INPP4B: variants seen among roughly 807,000 people sequenced by gnomAD.
INPP4B encodes inositol polyphosphate 4-phosphatase type II.
A neutral mutation model predicts 122.5 loss-of-function variants in INPP4B; 55 were observed. The ratio of observed to expected loss-of-function variants is 0.45; its 90% confidence interval spans 0.36 to 0.56. The LOEUF (loss-of-function observed/expected upper bound fraction) is 0.56, where lower values mean the gene tolerates loss of function less well. INPP4B is among the 20% of genes least tolerant of loss of function. The pLI, the probability that INPP4B is intolerant of heterozygous loss-of-function variation, is 0.00. For synonymous variants in INPP4B, 403 were observed against 388.7 expected, an observed-to-expected ratio of 1.04 and a Z score of -0.43; for missense variants, 1,000 against 1,097.7, an observed-to-expected ratio of 0.91 and a Z score of 1.26.
At chr4:142,516,083 C>A (rs79082619) in intron 2 of INPP4B, among the ~76,000 whole-genome samples, 4,711 of 152,178 alleles carry the variant, frequency 0.031, 276 homozygotes, top group African/African-American at 0.11. Context: ...AGTCAGTCAA[C>A]TTTTCCAGAA....
intron 2 of INPP4B, among the ~76,000 whole-genome samples, chr4:142,544,888 C>A (rs1297324281): frequency 6.6e-6 from 1 of 152,072 alleles, no homozygotes; most frequent in Non-Finnish European, 1.5e-5. Flanking sequence ...GAGTAATAAA[C>A]CTGTTGAAGT....
At chr4:142,254,082 C>T (rs959862020) in intron 11 of INPP4B, among the ~76,000 whole-genome samples, 1 of 152,128 alleles carries the variant, frequency 6.6e-6, no homozygotes, top group Non-Finnish European at 1.5e-5. Flanking sequence ...GAGGCACCCC[C>T]CAGCAGGGGC....
chr4:142,755,294 G>C (rs746566754), intron 1 of INPP4B, among the ~76,000 whole-genome samples: 1 of 151,780 alleles, frequency 6.6e-6, no homozygotes, highest in Non-Finnish European at 1.5e-5. Flanking sequence ...TCTGTTTCTG[G>C]ACCCTAGATT....
chr4:142,115,681 C>A (rs941147951), intron 21 of INPP4B, among the ~76,000 whole-genome samples: 4 of 152,154 alleles, frequency 2.6e-5, no homozygotes, highest in African/African-American at 7.2e-5. Context: ...TGGAAAGGAA[C>A]AACTGGTAGC....
intron 7 of INPP4B, among the ~76,000 whole-genome samples, chr4:142,394,137 GGTT>G (rs1395301579): frequency 6.6e-6 from 1 of 151,614 alleles, no homozygotes; most frequent in Non-Finnish European, 1.5e-5. Context: ...TGTTTTGTGT[GGTT>G]TTTTTTGTTT....
intron 7 of INPP4B, among the ~76,000 whole-genome samples, chr4:142,397,944 A>AAT (rs1420818264): frequency 6.6e-6 from 1 of 152,222 alleles, no homozygotes; most frequent in Non-Finnish European, 1.5e-5. Flanking sequence ...TCCTATGGAC[A>AAT]ATATATGTAC....
At chr4:142,664,053 G>A (rs2150597490) in intron 2 of INPP4B, among the ~76,000 whole-genome samples, 1 of 152,312 alleles carries the variant, frequency 6.6e-6, no homozygotes, top group Non-Finnish European at 1.5e-5. Context: ...TCTGAGGAAT[G>A]CCATGCACTT....
intron 1 of INPP4B, among the ~76,000 whole-genome samples, chr4:142,833,597 T>C (rs1402366845): frequency 1.3e-5 from 2 of 151,858 alleles, no homozygotes; most frequent in Non-Finnish European, 1.5e-5. Flanking sequence ...TTATACAATA[T>C]ATGGAGAAAA....
intron 1 of INPP4B, among the ~76,000 whole-genome samples, chr4:142,727,871 C>T (rs1455698479): frequency 6.6e-6 from 1 of 152,166 alleles, no homozygotes; most frequent in Non-Finnish European, 1.5e-5. Context: ...GAATGAGTCC[C>T]TGTCCCCCAA....
chr4:142,619,909 A>G (rs755076099), intron 2 of INPP4B, among the ~76,000 whole-genome samples: 8 of 152,016 alleles, frequency 5.3e-5, no homozygotes, highest in Non-Finnish European at 1.2e-4. Flanking sequence ...TTGAGCTCAC[A>G]TGATTTAACA....
chr4:142,804,253 A>G (rs1487197692), intron 1 of INPP4B, among the ~76,000 whole-genome samples: 1 of 152,108 alleles, frequency 6.6e-6, no homozygotes, highest in African/African-American at 2.4e-5. Context: ...TAAACCTGCC[A>G]AAGACTTCCC....
At chr4:142,475,868 C>A (rs1819707351) in intron 2 of INPP4B, among the ~76,000 whole-genome samples, 1 of 152,168 alleles carries the variant, frequency 6.6e-6, no homozygotes, top group African/African-American at 2.4e-5. Context: ...ATATCTATGA[C>A]TCATTGGCAT....
At chr4:142,842,750 TA>T (rs1342975152) in intron 1 of INPP4B, among the ~76,000 whole-genome samples, 1 of 131,502 alleles carries the variant, frequency 7.6e-6, no homozygotes, top group Non-Finnish European at 1.6e-5. Context: ...TAATATATAA[TA>T]TATCTATAAT....
chr4:142,636,359 AAAT>A (rs1450117598), intron 2 of INPP4B, among the ~76,000 whole-genome samples: 2 of 152,188 alleles, frequency 1.3e-5, no homozygotes, highest in Non-Finnish European at 2.9e-5. Flanking sequence ...TAAACAAAAT[AAAT>A]AATGTGTAAA....
At chr4:142,357,680 TCA>T (rs35668188) in intron 7 of INPP4B, among the ~76,000 whole-genome samples, 17,696 of 151,932 alleles carry the variant, frequency 0.12, 1,084 homozygotes, top group East Asian at 0.18. Flanking sequence ...TAGATGATTT[TCA>T]CAGTCTTTTC....
chr4:142,736,441 C>A (rs370845542), intron 1 of INPP4B, among the ~76,000 whole-genome samples: 3 of 152,120 alleles, frequency 2.0e-5, no homozygotes. Flanking sequence ...TTATTGAGAC[C>A]CTAAAACAGA....
At chr4:142,448,256 T>C (rs1179036991) in intron 3 of INPP4B, among the ~76,000 whole-genome samples, 1 of 144,570 alleles carries the variant, frequency 6.9e-6, no homozygotes, top group Non-Finnish European at 1.5e-5. Context: ...TACACACCTA[T>C]GGCCCTTGTT....
intron 1 of INPP4B, among the ~76,000 whole-genome samples, chr4:142,790,327 C>G (rs1370311828): frequency 6.6e-6 from 1 of 151,960 alleles, no homozygotes; most frequent in Non-Finnish European, 1.5e-5. Context: ...TGACAAAGGA[C>G]TGATATCCAA....
intron 5 of INPP4B, among the ~76,000 whole-genome samples, chr4:142,408,378 C>A (rs984792468): frequency 6.6e-6 from 1 of 152,076 alleles, no homozygotes; most frequent in Non-Finnish European, 1.5e-5. Flanking sequence ...CATGACGAAA[C>A]CCCATCTCTA....
Sources: gnomAD v4.1 joint callset for allele counts (sites outside exome capture counted in the v4.1 genomes callset) on GRCh38, gnomAD v4.1.1 for gene constraint, MANE v1.5 for transcripts, NCBI Gene and HGNC (gene_info 2026-07-23, HGNC 2026-07-21) for gene names.